ATXN2L: variants seen among roughly 807,000 people sequenced by gnomAD.
ATXN2L encodes ataxin-2-like protein.
In ATXN2L, 24 loss-of-function variants were observed where a neutral mutation model predicts 120.7. The ratio of observed to expected loss-of-function variants is 0.20; its 90% confidence interval spans 0.14 to 0.28. The LOEUF is 0.28. Ranked by LOEUF, ATXN2L falls within the 10% of genes least tolerant of loss-of-function variation. The pLI, the probability that ATXN2L is intolerant of heterozygous loss-of-function variation, is 1.00. For synonymous variants in ATXN2L, 653 were observed against 568.1 expected (o/e 1.15, Z -2.13); for missense variants, 1,312 against 1,432.3 (o/e 0.92, Z 1.36).
chr16:28,825,818 A>G lies in ATXN2L; in HGVS notation c.442A>G (p.Ile148Val). 1 of 1,613,998 alleles carries G rather than the reference A, an allele frequency of 6.2e-7. No homozygotes were observed. Among genetic ancestry groups the G allele is most frequent in the Non-Finnish European group, 8.5e-7 (1 of 1,179,852 alleles). The change falls in exon 4 of 22, where the codon ATC becomes GTC. Residue 148 changes from isoleucine (I) to valine (V), a missense_variant. Transcript: ENST00000336783. ...KVKNGTTYEG[I>V]FKTLSSKFEL... ...GAAAAATGGTACCACTTATGAGGGTATCTTCAAGACGCTAAGCTCAAAGGT... is the reference window on the plus strand; with the variant it reads ...GAAAAATGGTACCACTTATGAGGGTGTCTTCAAGACGCTAAGCTCAAAGGT...
At chr16:28,830,306 C>T (rs775518528) in intron 8 of ATXN2L, among the ~76,000 whole-genome samples, 23 of 151,892 alleles carry the variant, frequency 1.5e-4, no homozygotes, top group Non-Finnish European at 2.6e-4. Flanking sequence ...AATATAACTA[C>T]ATTATTTGTG....
intron 10 of ATXN2L, among the ~76,000 whole-genome samples, chr16:28,831,535 G>A (rs2054420366): frequency 6.6e-6 from 1 of 151,910 alleles, no homozygotes; most frequent in Non-Finnish European, 1.5e-5. Flanking sequence ...TTATTATGTT[G>A]GCCAGGCTGA....
intron 2 of ATXN2L, 26 bp downstream of exon 2, chr16:28,825,428 A>G (rs2051503425): frequency 1.2e-6 from 2 of 1,611,420 alleles, no homozygotes; most frequent in Non-Finnish European, 1.7e-6. Context: ...CACCCTGTTT[A>G]AGATACATAG....
intron 18 of ATXN2L, 158 bp from the exon 19 acceptor site, chr16:28,834,900 G>A (rs544743752): frequency 1.7e-6 from 2 of 1,184,680 alleles, no homozygotes; most frequent in Admixed American, 2.7e-5. Context: ...TCTCTGAAGT[G>A]TAGAGAAAAT....
Position 28,824,589 on chromosome 16 carries a change from G to T in ATXN2L, c.300-777G>T, listed in dbSNP as rs1250358851. 6 of 1,263,222 alleles carry T rather than the reference G, an allele frequency of 4.7e-6. No individual in the cohort carries two copies. The South Asian group carries it at 7.7e-5, about 16-fold the overall frequency. 78.3% of individuals were successfully genotyped at this position (1,263,222 alleles called of 1,614,324 possible). A position where few individuals can be genotyped will look rare whatever the true frequency, so the allele number is the denominator to read the frequency against. On this transcript the variant is annotated intron_variant, in intron 1 of 21. Coordinates refer to ENST00000336783, the MANE Select transcript of ATXN2L (RefSeq NM_007245.4). ...TCATGAGGTCGAGGGGATGGGGTGT[G>T]GAGGGGATACCCCTCCTCCCACAGT...
Position 28,826,266 on chromosome 16 carries a change from C to G in ATXN2L, c.492C>G (p.His164Gln). The G allele has an allele frequency of 6.2e-7, 1 of 1,614,166 alleles. No individual in the cohort carries two copies. The change falls in exon 5 of 22, where the codon CAC becomes CAG. Residue 164 changes from histidine to glutamine, a missense_variant. By Grantham distance (24) the His-to-Gln change is conservative. Transcript: ENST00000336783. ...TTGAACTAGCCGTGGATGCTGTGCA[C>G]CGGAAAGCATCTGAGCCAGCAGGTG... ...SKFELAVDAV[H>Q]RKASEPAGGP...
chr16:28,836,279 C>A lies in ATXN2L; in HGVS notation c.*14C>A. 1 of 1,609,732 alleles carries A rather than the reference C, an allele frequency of 6.2e-7. No homozygotes were observed. The highest frequency in any genetic ancestry group is 1.3e-5 in the African/African-American group (1 of 74,950). On this transcript the variant is annotated 3_prime_UTR_variant, in exon 22 of 22. Coordinates refer to ENST00000336783, the MANE Select transcript of ATXN2L (RefSeq NM_007245.4). The stretch of plus-strand genomic sequence containing the variant: ...GGTGGGGAGTGAGGGGTCTTGGAGG[C>A]AGGGCTGTCCCACAGGGCGCCCGCC...
Position 28,836,029 on chromosome 16 carries a change from G to A in ATXN2L, c.2992G>A (p.Gly998Arg). 6.3e-7 allele frequency: 1 copy of A among 1,587,070 alleles called. No individual in the cohort carries two copies. Among genetic ancestry groups the A allele is most frequent in the Non-Finnish European group, 8.6e-7 (1 of 1,164,592 alleles). The change falls in exon 22 of 22, where the codon GGG (glycine) becomes AGG (arginine). Residue 998 changes from glycine to arginine, a missense_variant. Transcript: ENST00000336783. ...GCTGCTGCACCCACCCCAGAGTCAT[G>A]GGGGGCCCCCCCAAGGCGCGGTGCC... The part of the protein sequence containing the change: ...VMLLHPPQSH[G>R]GPPQGAVPQS...
At chr16:28,835,779 C>T in intron 21 of ATXN2L, 21 bp downstream of exon 21, 1 of 1,613,614 alleles carries the variant, frequency 6.2e-7, no homozygotes, top group Non-Finnish European at 8.5e-7. Flanking sequence ...AGCTGTCCCA[C>T]TTCTGGGTCT....
At position 28,836,677 on chromosome 16, in the gene ATXN2L, A is replaced by G. The variant is rs752283973; in HGVS notation, c.*412A>G. 6.2e-7 allele frequency: 1 copy of G among 1,612,852 alleles called. No homozygotes were observed. The highest frequency in any genetic ancestry group is 8.5e-7 in the Non-Finnish European group (1 of 1,179,842). On this transcript the variant is annotated 3_prime_UTR_variant, in exon 22 of 22. Coordinates refer to ENST00000336783, the MANE Select transcript of ATXN2L (RefSeq NM_007245.4). ...ACTGGACGGCATTGGAGGAAGGGAC[A>G]GCTGCTTGGGTTCTAATGCTCCTGC...
intron 1 of ATXN2L, chr16:28,824,489 G>A (rs1304027686): frequency 7.8e-7 from 1 of 1,288,180 alleles, no homozygotes; most frequent in Admixed American, 2.3e-5. Context: ...TCAACCGCCG[G>A]TTACATCAGC....
chr16:28,824,646 CTT>C (rs770965999), intron 1 of ATXN2L: 43 of 1,152,298 alleles, frequency 3.7e-5, no homozygotes, highest in Non-Finnish European at 4.3e-5. Flanking sequence ...AAATGATTGT[CTT>C]TTCTGTTTGG....
intron 6 of ATXN2L, among the ~76,000 whole-genome samples, chr16:28,828,309 G>T (rs968971186): frequency 6.6e-6 from 1 of 152,116 alleles, no homozygotes; most frequent in Non-Finnish European, 1.5e-5. Context: ...GTTGCAGGCC[G>T]GGCGCGGTGG....
intron 7 of ATXN2L, 137 bp downstream of exon 7, chr16:28,829,629 C>A: frequency 1.3e-6 from 1 of 776,206 alleles, no homozygotes; most frequent in Non-Finnish European, 2.1e-6. Context: ...CCTACTCTGC[C>A]TTGTGGAATT....
At position 28,836,522 on chromosome 16, in the gene ATXN2L, G is replaced by T. The variant is rs1449765841; in HGVS notation, c.*257G>T. 6.3e-7 allele frequency: 1 copy of T among 1,595,622 alleles called. No individual in the cohort carries two copies. Among genetic ancestry groups the T allele is most frequent in the Admixed American group, 1.7e-5 (1 of 58,418 alleles). ...GCAGCAGACAGGGCCAGACTGGGGT[G>T]TGGGGGGCTGAGCTGGGCACATGAG... On this transcript the variant is annotated 3_prime_UTR_variant, in exon 22 of 22. Transcript: ENST00000336783.
Position 28,823,192 on chromosome 16 carries a change from G to A in ATXN2L, c.-68G>A. 2.7e-6 allele frequency: 3 copies of A among 1,119,266 alleles called. No individual in the cohort carries two copies. Among genetic ancestry groups the A allele is most frequent in the Non-Finnish European group, 1.1e-6 (1 of 872,946 alleles). 69.3% of individuals were successfully genotyped at this position (1,119,266 alleles called of 1,614,324 possible). On this transcript the variant is annotated 5_prime_UTR_variant, in exon 1 of 22. Transcript: ENST00000336783. ...TCCCCCTCGCTTCCCGCGCTCTCCA[G>A]CGGGGCCCCAGCCCCGGCCCCCTCT...
chr16:28,832,962 G>A, intron 13 of ATXN2L, 75 bp downstream of exon 13: 1 of 1,595,932 alleles, frequency 6.3e-7, no homozygotes, highest in Non-Finnish European at 8.6e-7. Flanking sequence ...CAAAGGACTA[G>A]ATAGGAGTCA....
chr16:28,835,838 T>G (rs1321711867), intron 21 of ATXN2L, 80 bp downstream of exon 21: 12 of 1,595,388 alleles, frequency 7.5e-6, no homozygotes, highest in Non-Finnish European at 1.0e-5. Context: ...GCCAAGTCCC[T>G]GGTGCCACCC....
chr16:28,823,314 A>G lies in ATXN2L; in HGVS notation c.55A>G (p.Thr19Ala). The G allele has an allele frequency of 6.7e-7, 1 of 1,485,548 alleles. No individual in the cohort carries two copies. Among genetic ancestry groups the G allele is most frequent in the Non-Finnish European group, 8.9e-7 (1 of 1,119,270 alleles). 92.0% of individuals were successfully genotyped at this position (1,485,548 alleles called of 1,614,324 possible). ...QPSQPQQPPP[T>A]QQAVARRPPG... ...CTCCCAGCCCCAGCAGCCGCCCCCC[A>G]CGCAACAGGCCGTGGCCCGTCGGCC... Residue 19 changes from threonine (T) to alanine (A), a missense_variant, in exon 1 of 22, where the codon ACG becomes GCG. Coordinates refer to ENST00000336783, the MANE Select transcript of ATXN2L (RefSeq NM_007245.4).
Sources: gnomAD v4.1 joint callset for allele counts (sites outside exome capture counted in the v4.1 genomes callset) on GRCh38, gnomAD v4.1.1 for gene constraint, MANE v1.5 for transcripts, NCBI Gene and HGNC (gene_info 2026-07-23, HGNC 2026-07-21) for gene names.